RBFOX1: variants seen among roughly 807,000 people sequenced by gnomAD.
RBFOX1 encodes RNA binding protein fox-1 homolog 1.
A neutral mutation model predicts 57.7 loss-of-function variants in RBFOX1; 8 were observed. The ratio of observed to expected loss-of-function variants is 0.14; its 90% CI spans 0.08 to 0.25. The LOEUF (loss-of-function observed/expected upper bound fraction) is 0.25, where lower values mean the gene tolerates loss of function less well. Ranked by LOEUF, RBFOX1 falls within the 10% of genes least tolerant of loss-of-function variation. RBFOX1 has a pLI of 1.00. For missense variants in RBFOX1, 611 were observed against 548.5 expected, an observed-to-expected ratio of 1.11 and a Z score of -1.14; for synonymous variants, 326 against 222.4, an observed-to-expected ratio of 1.47 and a Z score of -4.15.
chr16:5,889,533 G>A (rs1016433451), intron 4 of RBFOX1, among the ~76,000 whole-genome samples: 2 of 152,226 alleles, frequency 1.3e-5, no homozygotes, highest in African/African-American at 4.8e-5. Context: ...ACATACATGT[G>A]TGTGTACCTT....
intron 4 of RBFOX1, among the ~76,000 whole-genome samples, chr16:7,200,878 C>T (rs1229430316): frequency 1.3e-5 from 2 of 152,006 alleles, no homozygotes; most frequent in Non-Finnish European, 2.9e-5. Context: ...GAGGCAACTT[C>T]GTTGGTGGAA....
intron 1 of RBFOX1, among the ~76,000 whole-genome samples, chr16:5,355,087 A>AAC (rs1555498478): frequency 1.3e-5 from 2 of 151,972 alleles, no homozygotes; most frequent in African/African-American, 4.8e-5. Context: ...GAGAGAATAA[A>AAC]AGAGAGAGAG....
intron 1 of RBFOX1, among the ~76,000 whole-genome samples, chr16:6,236,668 C>G (rs1307868054): frequency 6.6e-6 from 1 of 152,048 alleles, no homozygotes; most frequent in African/African-American, 2.4e-5. Context: ...CCAGGCTGGT[C>G]TCAAACTCCT....
At chr16:5,844,905 G>A (rs1481733999) in intron 3 of RBFOX1, among the ~76,000 whole-genome samples, 6 of 152,070 alleles carry the variant, frequency 3.9e-5, no homozygotes, top group East Asian at 1.9e-4. Flanking sequence ...CTTATTTGCC[G>A]TTAAGAACAC....
chr16:5,888,997 A>G (rs2057974415), intron 4 of RBFOX1, among the ~76,000 whole-genome samples: 2 of 152,040 alleles, frequency 1.3e-5, no homozygotes, highest in Admixed American at 6.5e-5. Context: ...GTATTAAGCA[A>G]GATTGGTCAA....
At chr16:6,422,541 C>A (rs1221389060) in intron 2 of RBFOX1, among the ~76,000 whole-genome samples, 1 of 152,160 alleles carries the variant, frequency 6.6e-6, no homozygotes, top group African/African-American at 2.4e-5. Context: ...GTCCATGGTT[C>A]TGCAGGCTGT....
At chr16:5,542,085 G>A (rs1337474714) in intron 2 of RBFOX1, among the ~76,000 whole-genome samples, 1 of 152,038 alleles carries the variant, frequency 6.6e-6, no homozygotes, top group African/African-American at 2.4e-5. Context: ...CTTGAGGGTT[G>A]ATCTTATTCT....
At chr16:6,825,526 C>T (rs1342076768) in intron 3 of RBFOX1, among the ~76,000 whole-genome samples, 2 of 152,074 alleles carry the variant, frequency 1.3e-5, no homozygotes, top group Non-Finnish European at 2.9e-5. Context: ...ACTTTTTGAA[C>T]AGTCTTTTGA....
chr16:7,212,309 A>G (rs1038952893), intron 4 of RBFOX1, among the ~76,000 whole-genome samples: 1 of 152,104 alleles, frequency 6.6e-6, no homozygotes, highest in Non-Finnish European at 1.5e-5. Flanking sequence ...TGCTGTTCCA[A>G]TATTGGGATG....
chr16:5,374,483 G>A (rs1381407350), intron 1 of RBFOX1, among the ~76,000 whole-genome samples: 1 of 152,122 alleles, frequency 6.6e-6, no homozygotes, highest in East Asian at 1.9e-4. Flanking sequence ...GAACAGAAAA[G>A]GATGGAGTGT....
In RBFOX1 at chr16:6,213,207, G is replaced by C. The variant is rs146764913; in HGVS notation, c.-126-103788G>C. 3.1e-3 allele frequency among the ~76,000 whole-genome samples: 468 copies of C among 152,120 alleles called. 3 individuals carry two copies. Among genetic ancestry groups the C allele is most frequent in the African/African-American group, 0.011 (448 of 41,520 alleles). Reference sequence around the variant, plus strand: ...ATATTTTTTTCTTTTTTATGACCCAGTGTGTCTTTGGGGATAGCTTTATGA... The same window carrying C: ...ATATTTTTTTCTTTTTTATGACCCACTGTGTCTTTGGGGATAGCTTTATGA... On this transcript the variant is annotated intron_variant, in intron 1 of 15. Coordinates refer to ENST00000550418, the MANE Select transcript of RBFOX1 (RefSeq NM_018723.4).
intron 1 of RBFOX1, among the ~76,000 whole-genome samples, chr16:6,301,580 C>T (rs994040557): frequency 3.8e-4 from 57 of 151,922 alleles, no homozygotes; most frequent in Admixed American, 1.1e-3. Context: ...TTACAGAAAA[C>T]GTTTAGGGAA....
chr16:6,262,716 A>G (rs2097708748), intron 1 of RBFOX1, among the ~76,000 whole-genome samples: 1 of 152,190 alleles, frequency 6.6e-6, no homozygotes, highest in Non-Finnish European at 1.5e-5. Flanking sequence ...TGGGAAGAAT[A>G]GGAACAGAGA....
intron 4 of RBFOX1, among the ~76,000 whole-genome samples, chr16:5,997,579 C>G (rs977021117): frequency 2.6e-5 from 4 of 152,168 alleles, no homozygotes; most frequent in Non-Finnish European, 4.4e-5. Context: ...CACCAAATCT[C>G]TAGAGCGATT....
intron 4 of RBFOX1, among the ~76,000 whole-genome samples, chr16:7,182,213 C>G (rs1437024480): frequency 6.6e-6 from 1 of 152,116 alleles, no homozygotes; most frequent in Non-Finnish European, 1.5e-5. Flanking sequence ...AGATTATAAG[C>G]TACATGAAGT....
chr16:6,139,353 C>G (rs1238448519), intron 1 of RBFOX1, among the ~76,000 whole-genome samples: 2 of 152,180 alleles, frequency 1.3e-5, no homozygotes, highest in African/African-American at 2.4e-5. Flanking sequence ...GAGGTCCCAA[C>G]TCTGCTGCTT....
chr16:7,689,084 G>C (rs946579001), intron 14 of RBFOX1, among the ~76,000 whole-genome samples: 1 of 152,016 alleles, frequency 6.6e-6, no homozygotes, highest in Non-Finnish European at 1.5e-5. Context: ...TACAAGACGA[G>C]GATAAAAAGA....
At position 6,253,699 on chromosome 16, in the gene RBFOX1, G is replaced by GTGTGTGTATATATATA. The variant is rs71145205; in HGVS notation, c.-126-63295_-126-63294insGTGTGTATATATATAT. 8.4e-5 allele frequency among the ~76,000 whole-genome samples: 12 copies of GTGTGTGTATATATATA among 142,492 alleles called. 1 individual carries two copies. The highest frequency in any genetic ancestry group is 2.3e-4 in the African/African-American group (9 of 39,330). 93.5% of individuals were successfully genotyped at this position (142,492 alleles called of 152,430 possible). The stretch of plus-strand genomic sequence containing the variant: ...CATGTGTGTGTGTGTGTGTGTGTGT[G>GTGTGTGTATATATATA]TATATATATATATATGTACCTATAC... On this transcript the variant is annotated intron_variant, in intron 1 of 15. Transcript: ENST00000550418.
intron 3 of RBFOX1, among the ~76,000 whole-genome samples, chr16:6,948,103 G>A (rs371080802): frequency 7.2e-5 from 11 of 151,932 alleles, no homozygotes; most frequent in East Asian, 3.9e-4. Context: ...TTTCTTCTGC[G>A]GTTTGAGAAG....
Sources: gnomAD v4.1 joint callset for allele counts (sites outside exome capture counted in the v4.1 genomes callset) on GRCh38, gnomAD v4.1.1 for gene constraint, MANE v1.5 for transcripts, NCBI Gene and HGNC (gene_info 2026-07-23, HGNC 2026-07-21) for gene names.